Variants in ARFGAP2 observed in about 807,000 individuals in gnomAD.
ARFGAP2 encodes the protein ADP-ribosylation factor GTPase-activating protein 2.
A neutral mutation model predicts 71.9 loss-of-function variants in ARFGAP2; 45 were observed. The ratio of observed to expected loss-of-function variants is 0.63; its 90% confidence interval spans 0.49 to 0.80. The LOEUF is 0.80. ARFGAP2 is among the 30% of genes least tolerant of loss of function. The pLI is 0.00. For synonymous variants in ARFGAP2, 248 were observed against 249.2 expected, an observed-to-expected ratio of 1.00 and a Z score of 0.05; for missense variants, 633 against 673.9, an observed-to-expected ratio of 0.94 and a Z score of 0.67.
intron 8 of ARFGAP2, 156 bp downstream of exon 8, chr11:47,172,125 C>T (rs182328452): frequency 1.2e-6 from 1 of 834,284 alleles, no homozygotes; most frequent in East Asian, 2.4e-5. Context: ...CTTTAAATCC[C>T]TTTAAATCTT....
chr11:47,165,093 C>G lies in ARFGAP2; in HGVS notation c.*389G>C, dbSNP rs2135415897. 3 of 210,542 alleles carry G rather than the reference C, an allele frequency of 1.4e-5. No individual in the cohort carries two copies. The East Asian group carries it at 3.0e-4, about 21-fold the overall frequency. The allele number at this position is 210,542 out of a possible 1,614,324, so 13.0% of individuals were successfully genotyped here. A position where few individuals can be genotyped will look rare whatever the true frequency, so the allele number is the denominator to read the frequency against. On this transcript the variant is annotated 3_prime_UTR_variant, in exon 16 of 16. Coordinates refer to ENST00000524782, the MANE Select transcript of ARFGAP2 (RefSeq NM_032389.6). Reference sequence around the variant, plus strand: ...CCCAAGGCCTCGAACTAGAAGAACCCTAGAGCCAGCAAAAAAAGCCTTCTA... The same window carrying G: ...CCCAAGGCCTCGAACTAGAAGAACCGTAGAGCCAGCAAAAAAAGCCTTCTA...
In ARFGAP2 at chr11:47,168,143, A is replaced by G. The variant is rs777079416; in HGVS notation, c.1050T>C (p.Thr350=). The G allele has an allele frequency of 1.2e-6, 2 of 1,614,250 alleles. No individual in the cohort carries two copies. The highest frequency in any genetic ancestry group is 2.2e-5 in the South Asian group (2 of 91,086). Reference sequence around the variant, plus strand: ...CTTACTTTGGGGGTCCAGAGGCGAAAGTACCAACATCGTCAAACAAGTCCA... The same window carrying G: ...CTTACTTTGGGGGTCCAGAGGCGAAGGTACCAACATCGTCAAACAAGTCCA... The part of the protein sequence containing the change: ...SQLDLFDDVG[T]FASGPPKYKD... The change falls in exon 11 of 16, where the codon ACT becomes ACC. Residue 350 remains threonine (T), a synonymous_variant. Transcript: ENST00000524782.
rs201515677 is a variant in ARFGAP2 at position 47,175,318 on chromosome 11, A to T, written c.265-5T>A. 6.2e-7 allele frequency: 1 copy of T among 1,613,970 alleles called. No individual in the cohort carries two copies. The highest frequency in any genetic ancestry group is 8.5e-7 in the Non-Finnish European group (1 of 1,180,016). ...ATGTTGGCGAAAAAAAGCCGTCTGGAGAGCAAAGAAGAGAGCAGCGCGTGC... is the reference window on the plus strand; with the variant it reads ...ATGTTGGCGAAAAAAAGCCGTCTGGTGAGCAAAGAAGAGAGCAGCGCGTGC... On this transcript the variant is annotated splice_region_variant and splice_polypyrimidine_tract_variant and intron_variant, in intron 3 of 15. Coordinates refer to ENST00000524782, the MANE Select transcript of ARFGAP2 (RefSeq NM_032389.6).
chr11:47,169,096 G>A (rs536489188), intron 10 of ARFGAP2, among the ~76,000 whole-genome samples: 5 of 149,924 alleles, frequency 3.3e-5, no homozygotes, highest in South Asian at 2.1e-4. Flanking sequence ...GGCAGATCAC[G>A]AGGTCAGGAG....
intron 10 of ARFGAP2, among the ~76,000 whole-genome samples, chr11:47,170,339 AAAAAG>A (rs1210292938): frequency 2.7e-5 from 4 of 150,620 alleles, no homozygotes; most frequent in South Asian, 2.1e-4. Flanking sequence ...AAAAAAAAAA[AAAAAG>A]AAAAGAAAAG....
At position 47,175,058 on chromosome 11, in the gene ARFGAP2, G is replaced by A; in HGVS notation, c.437C>T (p.Ser146Phe). ...DNMSSAVPNH[S>F]PEKKDSDFFT... ...GAAATCAGAGTCCTTCTTCTCTGGG[G>A]AGTGATTAGGAACGGCACTACTCAT... Residue 146 changes from serine (S) to phenylalanine (F), a missense_variant, in exon 5 of 16, where the codon TCC (serine) becomes TTC (phenylalanine). Ser to Phe is a radical substitution (Grantham distance 155, BLOSUM62 -2). Coordinates refer to ENST00000524782, the MANE Select transcript of ARFGAP2 (RefSeq NM_032389.6). 6.2e-7 allele frequency: 1 copy of A among 1,614,190 alleles called. No individual in the cohort carries two copies. Among genetic ancestry groups the A allele is most frequent in the Non-Finnish European group, 8.5e-7 (1 of 1,180,034 alleles).
chr11:47,173,943 C>A, intron 5 of ARFGAP2, 103 bp from the exon 6 acceptor site: 4 of 1,534,228 alleles, frequency 2.6e-6, no homozygotes, highest in Non-Finnish European at 2.6e-6. Context: ...ATACTCCAAA[C>A]CCATGAGGAA....
intron 1 of ARFGAP2, 42 bp from the exon 2 acceptor site, chr11:47,176,676 G>C: frequency 6.2e-7 from 1 of 1,612,044 alleles, no homozygotes; most frequent in Non-Finnish European, 8.5e-7. Flanking sequence ...GGGGCCCCGA[G>C]TAAAGGCCAG....
chr11:47,167,829 C>T, intron 12 of ARFGAP2, 80 bp downstream of exon 12: 1 of 1,463,544 alleles, frequency 6.8e-7, no homozygotes, highest in Non-Finnish European at 9.1e-7. Context: ...TTCTTCTAGA[C>T]AGTGCTGCCT....
intron 5 of ARFGAP2, 84 bp from the exon 6 acceptor site, chr11:47,173,924 C>A: frequency 6.5e-7 from 1 of 1,542,738 alleles, no homozygotes; most frequent in Non-Finnish European, 8.7e-7. Flanking sequence ...ACCTTGTGGA[C>A]AAGAAATCAT....
intron 4 of ARFGAP2, 21 bp from the exon 5 acceptor site, chr11:47,175,119 C>T (rs768731791): frequency 2.9e-5 from 47 of 1,614,036 alleles, no homozygotes; most frequent in Admixed American, 5.0e-5. Context: ...GAAGACACCC[C>T]TAAAACACAG....
intron 7 of ARFGAP2, chr11:47,173,001 G>A: frequency 8.5e-6 from 3 of 354,756 alleles, no homozygotes; most frequent in Non-Finnish European, 1.6e-5. Context: ...ATGTAGGAAA[G>A]AGTTAAAGGA....
At chr11:47,167,810 C>T in intron 12 of ARFGAP2, 99 bp downstream of exon 12, 1 of 1,388,554 alleles carries the variant, frequency 7.2e-7, no homozygotes, top group Non-Finnish European at 9.6e-7. Flanking sequence ...TTCCCATCAA[C>T]ACAGAAAGTT....
chr11:47,166,321 A>T lies in ARFGAP2; in HGVS notation c.1492T>A (p.Ser498Thr), dbSNP rs752149036. The T allele has an allele frequency of 6.8e-6, 11 of 1,614,214 alleles. No individual in the cohort carries two copies. In the Admixed American group the frequency reaches 1.8e-4, roughly 27 times the overall value. The change falls in exon 15 of 16, where the codon TCT becomes ACT. Residue 498 changes from serine to threonine, a missense_variant. Ser to Thr is a moderately conservative substitution (Grantham distance 58). Transcript: ENST00000524782. The part of the protein sequence containing the change: ...DIAQFKQGVK[S>T]VAGKMAVLAN... ...AGCACAGCCATTTTCCCAGCCACAG[A>T]CTTGACACCCTGCTTAAACTGGGCA...
intron 10 of ARFGAP2, among the ~76,000 whole-genome samples, chr11:47,170,611 C>T (rs964135428): frequency 1.3e-5 from 2 of 149,950 alleles, no homozygotes; most frequent in Admixed American, 1.3e-4. Context: ...CGTGCCATTG[C>T]ACTCCAGCCT....
intron 12 of ARFGAP2, 85 bp from the exon 13 acceptor site, chr11:47,166,971 G>A: frequency 2.0e-6 from 3 of 1,503,344 alleles, no homozygotes; most frequent in Non-Finnish European, 1.8e-6. Context: ...AGCACCAGTG[G>A]CCTTTTGGTG....
intron 5 of ARFGAP2, chr11:47,174,291 C>G: frequency 5.7e-6 from 1 of 175,630 alleles, no homozygotes; most frequent in Non-Finnish European, 1.2e-5. Flanking sequence ...GCACCCAGGG[C>G]CAGTAAAGAG....
chr11:47,176,382 G>A (rs1265208966), intron 2 of ARFGAP2, 134 bp downstream of exon 2: 7 of 859,252 alleles, frequency 8.1e-6, no homozygotes, highest in Non-Finnish European at 1.1e-5. Flanking sequence ...CTGGCAGGAG[G>A]CTACCGGACC....
intron 7 of ARFGAP2, 47 bp downstream of exon 7, chr11:47,173,379 G>A: frequency 6.5e-7 from 1 of 1,549,502 alleles, no homozygotes; most frequent in Non-Finnish European, 8.7e-7. Context: ...AACATTTGAG[G>A]TCCACCCTCT....
Sources: gnomAD v4.1 joint callset for allele counts (sites outside exome capture counted in the v4.1 genomes callset) on GRCh38, gnomAD v4.1.1 for gene constraint, MANE v1.5 for transcripts, NCBI Gene and HGNC (gene_info 2026-07-23, HGNC 2026-07-21) for gene names.